The following CTNNA2 variants were observed in gnomAD, a reference collection of about 807,000 sequenced individuals.
CTNNA2 encodes the protein catenin alpha 2, also known as catenin alpha-2.
In CTNNA2, 42 loss-of-function variants were observed where a neutral mutation model predicts 101.0. That is an observed-to-expected ratio of 0.42 (90% CI 0.32 to 0.54). CTNNA2 has a LOEUF of 0.54. CTNNA2 is among the 20% of genes least tolerant of loss of function. The probability of loss-of-function intolerance (pLI) is 0.14; values close to 1 mark genes in which losing one functional copy is unlikely to be tolerated. For missense variants in CTNNA2, 871 were observed against 1,223.1 expected, an observed-to-expected ratio of 0.71 and a Z score of 4.29; for synonymous variants, 450 against 456.4, an observed-to-expected ratio of 0.99 and a Z score of 0.18.
chr2:80,490,689 AAAT>A (rs1009604279), intron 9 of CTNNA2, among the ~76,000 whole-genome samples: 1 of 152,120 alleles, frequency 6.6e-6, no homozygotes. Flanking sequence ...TACATTTTCT[AAAT>A]AATATCTAAG....
chr2:80,603,100 T>C (rs1487492227), intron 15 of CTNNA2, among the ~76,000 whole-genome samples: 2 of 152,092 alleles, frequency 1.3e-5, no homozygotes, highest in African/African-American at 2.4e-5. Context: ...CATTTCTAAC[T>C]ACAGGAATGT....
intron 1 of CTNNA2, among the ~76,000 whole-genome samples, chr2:79,564,809 T>C (rs1468661296): frequency 6.6e-6 from 1 of 152,204 alleles, no homozygotes; most frequent in Admixed American, 6.6e-5. Flanking sequence ...ATTTTTCTTC[T>C]TCTTCTTTCG....
intron 7 of CTNNA2, among the ~76,000 whole-genome samples, chr2:80,146,231 A>G (rs1032995940): frequency 1.3e-5 from 2 of 152,218 alleles, no homozygotes; most frequent in East Asian, 1.9e-4. Context: ...GCCCTAGCCA[A>G]TAACACGTGG....
chr2:79,833,514 A>G (rs890178578), intron 3 of CTNNA2, among the ~76,000 whole-genome samples: 1 of 152,176 alleles, frequency 6.6e-6, no homozygotes, highest in Non-Finnish European at 1.5e-5. Flanking sequence ...TACCCTTTCT[A>G]GATAACACAC....
intron 4 of CTNNA2, among the ~76,000 whole-genome samples, chr2:79,454,449 TTAAA>T (rs1670790914): frequency 6.6e-6 from 1 of 152,146 alleles, no homozygotes; most frequent in Non-Finnish European, 1.5e-5. Context: ...ATATAATAAT[TTAAA>T]TAGTAAATTA....
intron 7 of CTNNA2, among the ~76,000 whole-genome samples, chr2:80,018,257 A>G (rs1208739766): frequency 6.6e-6 from 1 of 152,180 alleles, no homozygotes; most frequent in Non-Finnish European, 1.5e-5. Flanking sequence ...TGAGAATTGG[A>G]CACATTTCAG....
chr2:79,769,732 A>T (rs1673435796), intron 3 of CTNNA2, among the ~76,000 whole-genome samples: 1 of 152,202 alleles, frequency 6.6e-6, no homozygotes, highest in Non-Finnish European at 1.5e-5. Context: ...AAAGAATTCA[A>T]TTTGAAATAT....
intron 9 of CTNNA2, among the ~76,000 whole-genome samples, chr2:80,489,415 T>A (rs573991453): frequency 2.0e-5 from 3 of 152,192 alleles, no homozygotes; most frequent in Non-Finnish European, 2.9e-5. Flanking sequence ...GAGAAAAAAA[T>A]AAAAACACAA....
At position 80,125,402 on chromosome 2, in the gene CTNNA2, T is replaced by A. The variant is rs150782851; in HGVS notation, c.1056+215605T>A. ...TTACAGTGACAAGGACTATCTCTGA[T>A]GCAGAGATTTCAATGGGACTGTAGA... On this transcript the variant is annotated intron_variant, in intron 7 of 18. Transcript: ENST00000402739. Among the ~76,000 whole-genome samples, 520 of 152,286 alleles carry A rather than the reference T, an allele frequency of 3.4e-3. 2 individuals carry two copies. The highest frequency in any genetic ancestry group is 0.011 in the African/African-American group (468 of 41,564).
intron 3 of CTNNA2, among the ~76,000 whole-genome samples, chr2:79,340,833 C>CAAAAAAAAAAAAAAAAAAAAA (rs56276462): frequency 2.5e-4 from 8 of 32,528 alleles, no homozygotes; most frequent in Admixed American, 5.0e-4. Context: ...GACTCAGTCT[C>CAAAAAAAAAAAAAAAAAAAAA]AAAAAAAAAA....
chr2:80,034,069 C>A, intron 7 of CTNNA2, among the ~76,000 whole-genome samples: 1 of 150,034 alleles, frequency 6.7e-6, no homozygotes, highest in Admixed American at 6.6e-5. Flanking sequence ...ACTGAAAATC[C>A]ATTAATCATT....
intron 9 of CTNNA2, among the ~76,000 whole-genome samples, chr2:80,507,059 T>A (rs1358644960): frequency 6.6e-6 from 1 of 152,164 alleles, no homozygotes; most frequent in East Asian, 1.9e-4. Flanking sequence ...CCCTGAAACT[T>A]GCATTTCTCA....
chr2:79,216,730 GGTACTTGCA>G (rs2104212164), intron 2 of CTNNA2, among the ~76,000 whole-genome samples: 1 of 147,586 alleles, frequency 6.8e-6, no homozygotes, highest in African/African-American at 2.5e-5. Flanking sequence ...CTAGAAAAGC[GGTACTTGCA>G]GCTAAGGGTG....
chr2:80,444,427 G>A (rs778889523), intron 9 of CTNNA2, among the ~76,000 whole-genome samples: 11 of 152,128 alleles, frequency 7.2e-5, no homozygotes, highest in Non-Finnish European at 1.5e-4. Flanking sequence ...GTTGGAGAGA[G>A]GACTGTTTTC....
intron 11 of CTNNA2, among the ~76,000 whole-genome samples, chr2:80,554,189 A>G (rs897938216): frequency 1.3e-5 from 2 of 152,170 alleles, no homozygotes; most frequent in African/African-American, 4.8e-5. Flanking sequence ...TTAATTTAGT[A>G]AAAGTAGGGG....
At chr2:79,427,890 T>G (rs28616218) in intron 4 of CTNNA2, among the ~76,000 whole-genome samples, 1 of 151,534 alleles carries the variant, frequency 6.6e-6, no homozygotes, top group Non-Finnish European at 1.5e-5. Context: ...GATAATTTTG[T>G]GGAGTAATAA....
intron 2 of CTNNA2, among the ~76,000 whole-genome samples, chr2:79,734,617 C>A (rs1157439520): frequency 6.6e-6 from 1 of 151,962 alleles, no homozygotes; most frequent in African/African-American, 2.4e-5. Flanking sequence ...ATTAAAACAT[C>A]TTAAGGGAAA....
At chr2:79,696,901 T>C (rs1490306289) in intron 2 of CTNNA2, among the ~76,000 whole-genome samples, 3 of 152,046 alleles carry the variant, frequency 2.0e-5, no homozygotes, top group African/African-American at 7.2e-5. Flanking sequence ...CAGATTCCTT[T>C]GTCATAAGAC....
At chr2:80,461,456 A>C (rs962582383) in intron 9 of CTNNA2, among the ~76,000 whole-genome samples, 6 of 152,292 alleles carry the variant, frequency 3.9e-5, no homozygotes, top group African/African-American at 1.4e-4. Context: ...CCACCAGCTC[A>C]CACTGACCCC....
Sources: gnomAD v4.1 joint callset for allele counts (sites outside exome capture counted in the v4.1 genomes callset) on GRCh38, gnomAD v4.1.1 for gene constraint, MANE v1.5 for transcripts, NCBI Gene and HGNC (gene_info 2026-07-23, HGNC 2026-07-21) for gene names.